The following PHF1 variants were observed in gnomAD, a reference collection of about 807,000 sequenced individuals.
The protein encoded by PHF1 is PHD finger protein 1, also known as polycomb-like 1.
PHF1 carries 16 observed loss-of-function variants against 69.4 expected under a neutral mutation model. That is an observed-to-expected ratio of 0.23 (90% CI 0.16 to 0.35). The LOEUF (loss-of-function observed/expected upper bound fraction) is 0.35, where lower values mean the gene tolerates loss of function less well. Ranked by LOEUF, PHF1 falls within the 10% of genes least tolerant of loss-of-function variation. The pLI, the probability that PHF1 is intolerant of heterozygous loss-of-function variation, is 1.00. For synonymous variants in PHF1, 274 were observed against 275.0 expected (o/e 1.00, Z 0.04); for missense variants, 515 against 732.8 (o/e 0.70, Z 3.43).
At position 33,415,305 on chromosome 6, in the gene PHF1, C is replaced by G; in HGVS notation, c.1310C>G (p.Pro437Arg). 1.2e-6 allele frequency: 2 copies of G among 1,613,350 alleles called. No homozygotes were observed. Among genetic ancestry groups the G allele is most frequent in the South Asian group, 2.2e-5 (2 of 91,050 alleles). Residue 437 changes from proline (P) to arginine (R), a missense_variant, in exon 13 of 15, where the codon CCC (proline) becomes CGC (arginine). Transcript: ENST00000374516. ...YQGSSGYNFR[P>R]TDARCLPSSP... ...GGCAGCAGCGGCTACAACTTCCGGC[C>G]CACAGATGCCCGCTGCCTGCCCAGG...
rs2151106040 is a variant in PHF1 at position 33,412,897 on chromosome 6, G to A, written c.337+104G>A. On this transcript the variant is annotated intron_variant, in intron 4 of 14. Transcript: ENST00000374516. The surrounding 1 kb of genome is among the most constrained non-coding windows in gnomAD (Gnocchi z 4.2). ...GTCCCCAAGCCACTGCTCTGGCCAG[G>A]CTGCTTAGCCTTATCTTAGTCCTCA... The A allele has an allele frequency of 2.0e-6, 2 of 990,458 alleles. No homozygotes were observed. Among genetic ancestry groups the A allele is most frequent in the African/African-American group, 1.6e-5 (1 of 63,012 alleles). The allele number at this position is 990,458 out of a possible 1,614,324, so 61.4% of individuals were successfully genotyped here.
At position 33,416,249 on chromosome 6, in the gene PHF1, A is replaced by G. The variant is rs1776469955; in HGVS notation, c.*151A>G. On this transcript the variant is annotated 3_prime_UTR_variant, in exon 15 of 15. Transcript: ENST00000374516. ...GGAATCCAAGAGTGGGGAGTGGGGA[A>G]GAGGCCCTCTTCTCTACCCTCCTTC... The G allele has an allele frequency of 1.7e-6, 1 of 571,770 alleles. No homozygotes were observed. The highest frequency in any genetic ancestry group is 2.9e-6 in the Non-Finnish European group (1 of 346,672). 35.4% of individuals were successfully genotyped at this position (571,770 alleles called of 1,614,324 possible).
upstream of PHF1, chr6:33,410,856 CTCT>C (rs1178258325): frequency 1.3e-5 from 2 of 152,242 alleles, no homozygotes; most frequent in African/African-American, 4.8e-5. Flanking sequence ...GAGGGCCAGC[CTCT>C]TCTTCGGCGC....
rs1776337362 is a variant in PHF1, at chr6:33,414,946, C to T, written c.1050-9C>T. On this transcript the variant is annotated splice_polypyrimidine_tract_variant and intron_variant, in intron 11 of 14. Coordinates refer to ENST00000374516, the MANE Select transcript of PHF1 (RefSeq NM_024165.3). The surrounding 1 kb of genome is among the most constrained non-coding windows in gnomAD (Gnocchi z 5.0). ...GAGGGGGCTGGGGGGATAAGGAGGC[C>T]TCTTACAGCTTCCCTTCAGGGCAGG... is the stretch of plus-strand genomic sequence containing the variant. 1 of 1,523,160 alleles carries T rather than the reference C, an allele frequency of 6.6e-7. No individual in the cohort carries two copies. Among genetic ancestry groups the T allele is most frequent in the Non-Finnish European group, 8.8e-7 (1 of 1,133,840 alleles). 94.4% of individuals were successfully genotyped at this position (1,523,160 alleles called of 1,614,324 possible).
chr6:33,410,950 T>C, upstream of PHF1: 2 of 80,080 alleles, frequency 2.5e-5, no homozygotes, highest in African/African-American at 1.0e-4. Context: ...CCCCCAGTCC[T>C]CCCCTCCCAC....
rs1314521723 is a variant in PHF1 at position 33,414,698 on chromosome 6, C to G, written c.945-27C>G. The G allele has an allele frequency of 3.2e-6, 5 of 1,586,558 alleles. No individual in the cohort carries two copies. In the Admixed American group the frequency reaches 6.7e-5, roughly 21 times the overall value. On this transcript the variant is annotated intron_variant, in intron 10 of 14. Coordinates refer to ENST00000374516, the MANE Select transcript of PHF1 (RefSeq NM_024165.3). This position sits in a 1 kb window ranked among gnomAD's most constrained non-coding sequence, Gnocchi z 5.0. The stretch of plus-strand genomic sequence containing the variant: ...AGGAACCGTTTTTTACAGCACTGAC[C>G]CTATATCATTTCTCTTCTTGCCCCA...
chr6:33,412,086 C>T lies in PHF1; in HGVS notation c.-16-162C>T, dbSNP rs182280601. On this transcript the variant is annotated intron_variant, in intron 1 of 14. Transcript: ENST00000374516. This position sits in a 1 kb window ranked among gnomAD's most constrained non-coding sequence, Gnocchi z 4.2. ...CTGAGGCAGGAGAATTGCCTGAACC[C>T]GGGAGGTGGAGGTTGCAGTGAGCCA... Among the ~76,000 whole-genome samples the T allele has an allele frequency of 2.5e-4, 38 of 151,160 alleles. No homozygotes were observed. Among genetic ancestry groups the T allele is most frequent in the Non-Finnish European group, 4.9e-4 (33 of 67,922 alleles).
At chr6:33,415,739 T>C (rs1776424630) in intron 14 of PHF1, 69 bp downstream of exon 14, 2 of 1,605,138 alleles carry the variant, frequency 1.2e-6, no homozygotes, top group African/African-American at 1.3e-5. Flanking sequence ...TCTTAGTCTC[T>C]AACACTGTTT....
Position 33,413,236 on chromosome 6 carries a change from T to TGGAGAG in PHF1, c.387_392dup (p.Glu130_Gly131dup). ...GCCATGTTCCCAGGGCTCCAGCCCC[T>TGGAGAG]GGAGAGGGAGAGGGCACATCCTGGG... On this transcript the variant is annotated inframe_insertion, in exon 5 of 15. Coordinates refer to ENST00000374516, the MANE Select transcript of PHF1 (RefSeq NM_024165.3). The TGGAGAG allele has an allele frequency of 1.9e-6, 3 of 1,614,182 alleles. No homozygotes were observed. The highest frequency in any genetic ancestry group is 2.5e-6 in the Non-Finnish European group (3 of 1,180,026).
rs200528141 is a variant in PHF1 at position 33,415,125 on chromosome 6, A to G, written c.1220A>G (p.His407Arg). Residue 407 changes from histidine to arginine, a missense_variant, in exon 12 of 15, where the codon CAT becomes CGT. Coordinates refer to ENST00000374516, the MANE Select transcript of PHF1 (RefSeq NM_024165.3). ...CCCCAGGAGCAGAGGGAGCGGGCTC[A>G]TCTGCAGAGGGCACTGCAGGTACTG... ...PEPQEQRERA[H>R]LQRALQASVS... is the part of the protein sequence containing the mutation. 6.3e-5 allele frequency: 102 copies of G among 1,613,720 alleles called. No individual in the cohort carries two copies. In the East Asian group the frequency reaches 1.8e-3, roughly 28 times the overall value.
chr6:33,411,436 T>A (rs1212367591), intron 1 of PHF1, among the ~76,000 whole-genome samples: 2 of 152,096 alleles, frequency 1.3e-5, no homozygotes, highest in African/African-American at 4.8e-5. Flanking sequence ...GAGCCCCGAA[T>A]TTGAGGGTGA....
At position 33,413,309 on chromosome 6, in the gene PHF1, C is replaced by T. The variant is rs372735655; in HGVS notation, c.438+13C>T. 1.2e-5 allele frequency: 19 copies of T among 1,611,844 alleles called. No individual in the cohort carries two copies. The Admixed American group carries it at 2.5e-4, about 21-fold the overall frequency. On this transcript the variant is annotated intron_variant, in intron 5 of 14. Transcript: ENST00000374516. ...GATCGCCACCAAGGTAAAGGCACTTCCCTGTTACCCTTCCTGTGGGAGCCT... is the reference window on the plus strand; with the variant it reads ...GATCGCCACCAAGGTAAAGGCACTTTCCTGTTACCCTTCCTGTGGGAGCCT...
In PHF1 at chr6:33,416,433, A is replaced by T; in HGVS notation, c.*335A>T. 1.8e-6 allele frequency: 1 copy of T among 556,140 alleles called. No homozygotes were observed. Among genetic ancestry groups the T allele is most frequent in the African/African-American group, 1.9e-5 (1 of 53,450 alleles). The allele number at this position is 556,140 out of a possible 1,614,324, so 34.5% of individuals were successfully genotyped here. A position where few individuals can be genotyped will look rare whatever the true frequency, so the allele number is the denominator to read the frequency against. On this transcript the variant is annotated 3_prime_UTR_variant, in exon 15 of 15. Transcript: ENST00000374516. Reference sequence around the variant, plus strand: ...CTGTATGATTGAAATAAAGAGAAATAAACAAATCTAGCAGCTCTGAGTCAT... The same window carrying T: ...CTGTATGATTGAAATAAAGAGAAATTAACAAATCTAGCAGCTCTGAGTCAT...
intron 7 of PHF1, 57 bp from the exon 8 acceptor site, chr6:33,413,984 A>C (rs1230087787): frequency 1.2e-6 from 2 of 1,605,992 alleles, no homozygotes; most frequent in Non-Finnish European, 1.7e-6. Flanking sequence ...TGAGTCTTCC[A>C]GGGGATGGCA....
intron 1 of PHF1, among the ~76,000 whole-genome samples, chr6:33,411,792 T>C (rs901501575): frequency 6.6e-6 from 1 of 151,964 alleles, no homozygotes; most frequent in Non-Finnish European, 1.5e-5. Context: ...TGCCCAGTGG[T>C]TTCCTATCAA....
chr6:33,415,737 TCTAACA>T, intron 14 of PHF1, 67 bp downstream of exon 14: 1 of 1,605,606 alleles, frequency 6.2e-7, no homozygotes, highest in Non-Finnish European at 8.5e-7. Context: ...GCTCTTAGTC[TCTAACA>T]CTGTTTCTCT....
At position 33,412,200 on chromosome 6, in the gene PHF1, G is replaced by A. The variant is rs529843371; in HGVS notation, c.-16-48G>A. The A allele has an allele frequency of 2.3e-6, 3 of 1,282,014 alleles. No homozygotes were observed. The highest frequency in any genetic ancestry group is 1.5e-5 in the African/African-American group (1 of 66,508). 79.4% of individuals were successfully genotyped at this position (1,282,014 alleles called of 1,614,324 possible). ...AAAAAAGAAAAAGAAAATGGGGAAGGTTTCTCAGCATTCATAACCTTCTCC... is the reference window on the plus strand; with the variant it reads ...AAAAAAGAAAAAGAAAATGGGGAAGATTTCTCAGCATTCATAACCTTCTCC... On this transcript the variant is annotated intron_variant, in intron 1 of 14. Coordinates refer to ENST00000374516, the MANE Select transcript of PHF1 (RefSeq NM_024165.3). This position sits in a 1 kb window ranked among gnomAD's most constrained non-coding sequence, Gnocchi z 4.2.
Position 33,412,586 on chromosome 6 carries a change from C to A in PHF1, c.238C>A (p.Pro80Thr). 6.2e-7 allele frequency: 1 copy of A among 1,614,116 alleles called. No homozygotes were observed. The highest frequency in any genetic ancestry group is 8.5e-7 in the Non-Finnish European group (1 of 1,179,972). ...QFLVLWKDIS[P>T]AALPGEELLC... is the part of the protein sequence containing the mutation. ...TCTGGTTCTATGGAAAGACATTAGCCCTGGTAAGACTCTAGAGACCTGAGA... is the reference window on the plus strand; with the variant it reads ...TCTGGTTCTATGGAAAGACATTAGCACTGGTAAGACTCTAGAGACCTGAGA... Residue 80 changes from proline (P) to threonine (T), a missense_variant, in exon 3 of 15, where the codon CCT becomes ACT. Coordinates refer to ENST00000374516, the MANE Select transcript of PHF1 (RefSeq NM_024165.3). This position sits in a 1 kb window ranked among gnomAD's most constrained non-coding sequence, Gnocchi z 4.2.
rs748759190 is a variant in PHF1 at position 33,415,270 on chromosome 6, G to A, written c.1275G>A (p.Gln425=). 6.2e-7 allele frequency: 1 copy of A among 1,613,878 alleles called. No homozygotes were observed. The highest frequency in any genetic ancestry group is 8.5e-7 in the Non-Finnish European group (1 of 1,179,898). ...SVSPPSPSPN[Q]SYQGSSGYNF... ...CTCCACCATCCCCCAGCCCTAACCA[G>A]AGTTACCAGGGCAGCAGCGGCTACA... is the stretch of plus-strand genomic sequence containing the variant. The change falls in exon 13 of 15, where the codon CAG becomes CAA. Residue 425 remains glutamine, a synonymous_variant. Transcript: ENST00000374516.
Sources: gnomAD v4.1 joint callset for allele counts (sites outside exome capture counted in the v4.1 genomes callset) on GRCh38, gnomAD v4.1.1 for gene constraint, Gnocchi (gnomAD v3.1) non-coding constraint, MANE v1.5 for transcripts, NCBI Gene and HGNC (gene_info 2026-07-23, HGNC 2026-07-21) for gene names.